Variants in SEMA5B observed in about 807,000 individuals in gnomAD.
SEMA5B encodes semaphorin-5B.
A neutral mutation model predicts 135.0 loss-of-function variants in SEMA5B; 66 were observed. The observed-to-expected ratio is 0.49, with a 90% CI of 0.40 to 0.60. SEMA5B has a LOEUF of 0.60. Ranked by LOEUF, SEMA5B falls within the 20% of genes least tolerant of loss-of-function variation. The pLI is 0.00. For synonymous variants in SEMA5B, 690 were observed against 639.5 expected (o/e 1.08, Z -1.19); for missense variants, 1,501 against 1,566.3 (o/e 0.96, Z 0.70).
intron 1 of SEMA5B, among the ~76,000 whole-genome samples, chr3:122,975,638 T>A (rs1941292022): frequency 6.6e-6 from 1 of 152,178 alleles, no homozygotes; most frequent in Non-Finnish European, 1.5e-5. Context: ...TCAATAAATG[T>A]CAGTCACTAT....
Position 122,939,295 on chromosome 3 carries a change from G to A in SEMA5B, c.474+130C>T, listed in dbSNP as rs1217107508. ...TAGCTGGGGTCTGAGTCCATGGCCA[G>A]TGAAAAGAACAAGTGGCTCCTGTTT... On this transcript the variant is annotated intron_variant, in intron 5 of 22. Coordinates refer to ENST00000357599, the MANE Select transcript of SEMA5B (RefSeq NM_001031702.4). 6.8e-6 allele frequency: 5 copies of A among 732,106 alleles called. No individual in the cohort carries two copies. The Admixed American group carries it at 1.1e-4, about 16-fold the overall frequency. The allele number at this position is 732,106 out of a possible 1,614,324, so 45.4% of individuals were successfully genotyped here.
chr3:122,911,402 G>C (rs750834162), intron 21 of SEMA5B, 89 bp downstream of exon 21: 3 of 1,561,822 alleles, frequency 1.9e-6, no homozygotes, highest in Non-Finnish European at 2.6e-6. Flanking sequence ...TGGCTGTCTG[G>C]AGCAGGATGT....
chr3:122,983,742 A>G (rs1941608364), intron 1 of SEMA5B, among the ~76,000 whole-genome samples: 3 of 146,998 alleles, frequency 2.0e-5, no homozygotes, highest in Admixed American at 2.0e-4. Context: ...AAAAAAAAAA[A>G]AAAAAAAAAA....
intron 3 of SEMA5B, 61 bp from the exon 4 acceptor site, chr3:122,943,596 C>A: frequency 8.2e-7 from 1 of 1,225,274 alleles, no homozygotes; most frequent in Non-Finnish European, 1.2e-6. Flanking sequence ...AGCTGCATCG[C>A]AGCAGACCAC....
Position 122,935,686 on chromosome 3 carries a change from C to CTTTTTTTTTTTTTTTTTTTTTTTTT in SEMA5B, c.474+3738_474+3739insAAAAAAAAAAAAAAAAAAAAAAAAA, listed in dbSNP as rs147968317. Among the ~76,000 whole-genome samples the CTTTTTTTTTTTTTTTTTTTTTTTTT allele has an allele frequency of 4.7e-4, 33 of 70,254 alleles. 2 individuals carry two copies. The highest frequency in any genetic ancestry group is 1.2e-3 in the East Asian group (3 of 2,512). The allele number at this position is 70,254 out of a possible 152,430, so 46.1% of individuals were successfully genotyped here. Reference sequence around the variant, plus strand: ...CACTTTTTTTTCTTTTTCTTTCTTTCTTTTTTTTTTTTTTTTTTTTTTTTG... The same window carrying CTTTTTTTTTTTTTTTTTTTTTTTTT: ...CACTTTTTTTTCTTTTTCTTTCTTTCTTTTTTTTTTTTTTTTTTTTTTTTTTTTTTTTTTTTTTTTTTTTTTTTTG... On this transcript the variant is annotated intron_variant, in intron 5 of 22. Coordinates refer to ENST00000357599, the MANE Select transcript of SEMA5B (RefSeq NM_001031702.4).
Position 122,915,632 on chromosome 3 carries a change from A to T in SEMA5B, c.1807-11T>A. 6.2e-7 allele frequency: 1 copy of T among 1,607,266 alleles called. No homozygotes were observed. The highest frequency in any genetic ancestry group is 8.5e-7 in the Non-Finnish European group (1 of 1,175,016). On this transcript the variant is annotated splice_polypyrimidine_tract_variant and intron_variant, in intron 13 of 22. Coordinates refer to ENST00000357599, the MANE Select transcript of SEMA5B (RefSeq NM_001031702.4). The stretch of plus-strand genomic sequence containing the variant: ...TGTCACATTCCGCACCTGAAGACAC[A>T]CATGGGAGACAGTACCCCTATTACC...
At chr3:122,957,240 C>T (rs1940364869) in intron 2 of SEMA5B, among the ~76,000 whole-genome samples, 1 of 152,200 alleles carries the variant, frequency 6.6e-6, no homozygotes, top group Non-Finnish European at 1.5e-5. Context: ...AGCAAGGGGA[C>T]AGGTGGATTA....
chr3:122,968,864 G>A (rs1940994334), intron 1 of SEMA5B, among the ~76,000 whole-genome samples: 1 of 152,058 alleles, frequency 6.6e-6, no homozygotes, highest in Admixed American at 6.6e-5. Context: ...ATAAGTCTTG[G>A]GGCAGGTCAT....
intron 10 of SEMA5B, 57 bp from the exon 11 acceptor site, chr3:122,922,504 C>A: frequency 6.7e-7 from 1 of 1,493,988 alleles, no homozygotes; most frequent in South Asian, 1.2e-5. Context: ...CGCCATCCCC[C>A]GCCGGCTCCC....
chr3:123,008,048 G>C (rs1942352296), intron 1 of SEMA5B, among the ~76,000 whole-genome samples: 1 of 152,204 alleles, frequency 6.6e-6, no homozygotes, highest in Non-Finnish European at 1.5e-5. Context: ...AGCAAATCTG[G>C]CTCAAAAGAA....
chr3:122,936,440 T>G (rs1939290017), intron 5 of SEMA5B, among the ~76,000 whole-genome samples: 1 of 152,166 alleles, frequency 6.6e-6, no homozygotes, highest in South Asian at 2.1e-4. Flanking sequence ...GGAAGAGAGC[T>G]CAGGCATTGC....
intron 3 of SEMA5B, among the ~76,000 whole-genome samples, chr3:122,946,583 G>A (rs1273494697): frequency 1.3e-5 from 2 of 152,180 alleles, no homozygotes; most frequent in African/African-American, 2.4e-5. Flanking sequence ...GTGCTCAGCT[G>A]TGCTAAGGGA....
intron 1 of SEMA5B, among the ~76,000 whole-genome samples, chr3:122,987,719 C>G (rs1040003878): frequency 6.6e-6 from 1 of 152,172 alleles, no homozygotes; most frequent in Non-Finnish European, 1.5e-5. Flanking sequence ...ACCTCTGCAG[C>G]CTCCTCCTGA....
intron 1 of SEMA5B, among the ~76,000 whole-genome samples, chr3:122,968,017 C>G (rs767681444): frequency 5.9e-5 from 9 of 152,370 alleles, no homozygotes; most frequent in Non-Finnish European, 1.0e-4. Context: ...ACGTGTTCCA[C>G]GCTCTCCTGA....
intron 1 of SEMA5B, among the ~76,000 whole-genome samples, chr3:122,983,150 T>G (rs1432368427): frequency 6.6e-6 from 1 of 152,168 alleles, no homozygotes; most frequent in Non-Finnish European, 1.5e-5. Context: ...GCAAGGGGCA[T>G]GTGGCCAGTC....
intron 1 of SEMA5B, among the ~76,000 whole-genome samples, chr3:122,980,224 G>A (rs1941474286): frequency 1.3e-5 from 2 of 152,200 alleles, no homozygotes; most frequent in African/African-American, 4.8e-5. Context: ...ACTTTGGGAG[G>A]CTGAGGCAGG....
rs554568810 is a variant in SEMA5B at position 122,971,992 on chromosome 3, C to T, written c.-38-10691G>A. ...AGGTGAGATACTTGTGCACTGAGAG[C>T]GGAACAAGCACTCAACAAACGCTTG... is the stretch of plus-strand genomic sequence containing the variant. On this transcript the variant is annotated intron_variant, in intron 1 of 22. Transcript: ENST00000357599. Among the ~76,000 whole-genome samples the T allele has an allele frequency of 5.9e-4, 90 of 152,316 alleles. 1 individual carries two copies. Among genetic ancestry groups the T allele is most frequent in the African/African-American group, 1.9e-3 (80 of 41,546 alleles).
intron 4 of SEMA5B, among the ~76,000 whole-genome samples, chr3:122,942,332 C>T (rs754975483): frequency 2.6e-4 from 40 of 152,058 alleles, no homozygotes; most frequent in Non-Finnish European, 5.3e-4. Context: ...TTTCATACAG[C>T]AAATGAAGGG....
In SEMA5B at chr3:122,922,118, C is replaced by G. The variant is rs1257221476; in HGVS notation, c.1485G>C (p.Ser495=). Residue 495 remains serine, a synonymous_variant, in exon 12 of 23, where the codon TCG becomes TCC. Coordinates refer to ENST00000357599, the MANE Select transcript of SEMA5B (RefSeq NM_001031702.4). ...TGGACAGCGCCTTCAGGATGGTGCC[C>G]GACTCTGGAGGAGAGGGGGAGCCAG... is the stretch of plus-strand genomic sequence containing the variant. ...LYHVLYIGTE[S]GTILKALSTA... 1 of 1,513,132 alleles carries G rather than the reference C, an allele frequency of 6.6e-7. No homozygotes were observed. The highest frequency in any genetic ancestry group is 1.4e-5 in the African/African-American group (1 of 73,180). The allele number at this position is 1,513,132 out of a possible 1,614,324, so 93.7% of individuals were successfully genotyped here.
Sources: gnomAD v4.1 joint callset for allele counts (sites outside exome capture counted in the v4.1 genomes callset) on GRCh38, gnomAD v4.1.1 for gene constraint, MANE v1.5 for transcripts, NCBI Gene and HGNC (gene_info 2026-07-23, HGNC 2026-07-21) for gene names.